Variants in DACH2 observed in about 807,000 individuals in gnomAD.
DACH2 encodes dachshund family transcription factor 2, also known as dachshund homolog 2.
Under a neutral mutation model 35.8 loss-of-function variants are expected in DACH2, and 17 were observed. The observed-to-expected ratio is 0.48, with a 90% CI of 0.33 to 0.71. DACH2 has a LOEUF of 0.71. DACH2 is among the 30% of genes least tolerant of loss of function. The probability of loss-of-function intolerance (pLI) is 0.02; values close to 1 mark genes in which losing one functional copy is unlikely to be tolerated. For synonymous variants in DACH2, 195 were observed against 177.3 expected, an observed-to-expected ratio of 1.10 and a Z score of -0.79; for missense variants, 469 against 472.7, an observed-to-expected ratio of 0.99 and a Z score of 0.07.
intron 1 of DACH2, among the ~76,000 whole-genome samples, chrX:86,289,821 T>C (rs1569332145): frequency 9.1e-6 from 1 of 109,345 alleles, no homozygotes; most frequent in South Asian, 4.1e-4. Flanking sequence ...CAGTCTATCA[T>C]TGTTGGACAT....
At chrX:86,251,349 T>C (rs1256745604) in intron 1 of DACH2, among the ~76,000 whole-genome samples, 1 of 111,126 alleles carries the variant, frequency 9.0e-6, no homozygotes, top group African/African-American at 3.3e-5. Flanking sequence ...TTTAAATTTT[T>C]ATTTCCATAG....
intron 3 of DACH2, among the ~76,000 whole-genome samples, chrX:86,613,966 T>G (rs1365976298): frequency 8.9e-6 from 1 of 111,823 alleles, no homozygotes; most frequent in Non-Finnish European, 1.9e-5. Context: ...ATGTAGAGCC[T>G]TTTTGACAAA....
chrX:86,730,339 C>T (rs1330743819), intron 6 of DACH2, among the ~76,000 whole-genome samples: 1 of 112,003 alleles, frequency 8.9e-6, no homozygotes, highest in Non-Finnish European at 1.9e-5. Context: ...CTTCAGTTTT[C>T]CTTTCTGCAA....
chrX:86,789,912 G>T (rs193180702), intron 7 of DACH2, among the ~76,000 whole-genome samples: 1 of 110,676 alleles, frequency 9.0e-6, no homozygotes, highest in Non-Finnish European at 1.9e-5. Context: ...TTTTGACAAA[G>T]GTGGAGGAAT....
chrX:86,190,068 G>A (rs1013146245), intron 1 of DACH2, among the ~76,000 whole-genome samples: 3 of 109,313 alleles, frequency 2.7e-5, no homozygotes, highest in African/African-American at 1.0e-4. Context: ...GGAGGTTGAG[G>A]CATGAAAATC....
intron 1 of DACH2, among the ~76,000 whole-genome samples, chrX:86,292,606 A>G (rs1465303739): frequency 9.1e-6 from 1 of 110,483 alleles, no homozygotes; most frequent in Non-Finnish European, 1.9e-5. Flanking sequence ...AATGCGTCCC[A>G]GAGATTCTGG....
intron 2 of DACH2, among the ~76,000 whole-genome samples, chrX:86,398,975 G>C (rs775191318): frequency 9.0e-6 from 1 of 111,476 alleles, no homozygotes; most frequent in East Asian, 2.8e-4. Flanking sequence ...GTCTAATGTT[G>C]ACAGTGGGGT....
chrX:86,325,541 A>G (rs1033238744), intron 1 of DACH2, among the ~76,000 whole-genome samples: 1 of 112,156 alleles, frequency 8.9e-6, no homozygotes, highest in Non-Finnish European at 1.9e-5. Context: ...TATTTTAATG[A>G]CATTTTCTTC....
chrX:86,467,455 G>A (rs2037690577), intron 2 of DACH2, among the ~76,000 whole-genome samples: 2 of 111,537 alleles, frequency 1.8e-5, no homozygotes, highest in Non-Finnish European at 3.8e-5. Flanking sequence ...CAAGTCTCTA[G>A]GAAGTTCCAA....
At chrX:86,159,296 A>T (rs762057415) in intron 1 of DACH2, among the ~76,000 whole-genome samples, 1 of 111,586 alleles carries the variant, frequency 9.0e-6, no homozygotes, top group South Asian at 3.7e-4. Flanking sequence ...GAGTACATTG[A>T]CCCTTAAATA....
chrX:86,429,324 T>C (rs1021473710), intron 2 of DACH2, among the ~76,000 whole-genome samples: 1 of 111,376 alleles, frequency 9.0e-6, no homozygotes, highest in African/African-American at 3.3e-5. Flanking sequence ...AGTTGCATTT[T>C]ACCCCATACT....
At chrX:86,710,956 A>G (rs182470348) in intron 5 of DACH2, among the ~76,000 whole-genome samples, 1 of 112,181 alleles carries the variant, frequency 8.9e-6, no homozygotes, top group East Asian at 2.8e-4. Context: ...TGACTTAGAA[A>G]TCAAATCAAT....
intron 2 of DACH2, among the ~76,000 whole-genome samples, chrX:86,429,830 C>T (rs2036957620): frequency 8.9e-6 from 1 of 111,836 alleles, no homozygotes; most frequent in Non-Finnish European, 1.9e-5. Context: ...CCCAAAGTGC[C>T]AGGAGTACAG....
intron 1 of DACH2, among the ~76,000 whole-genome samples, chrX:86,307,937 T>A (rs938915381): frequency 8.9e-6 from 1 of 111,766 alleles, no homozygotes; most frequent in Non-Finnish European, 1.9e-5. Context: ...TGCACTTAAT[T>A]TTGCAGCTCA....
intron 7 of DACH2, among the ~76,000 whole-genome samples, chrX:86,771,759 A>G (rs1316563943): frequency 1.8e-5 from 2 of 111,721 alleles, no homozygotes; most frequent in African/African-American, 6.5e-5. Context: ...CTAGAATACA[A>G]GTAAATGTCA....
intron 3 of DACH2, among the ~76,000 whole-genome samples, chrX:86,632,314 C>T (rs1309199916): frequency 9.0e-6 from 1 of 111,051 alleles, no homozygotes; most frequent in Non-Finnish European, 1.9e-5. Context: ...TGACTGACTG[C>T]GTTATCTTTA....
chrX:86,180,747 GTCTA>G (rs200648039), intron 1 of DACH2, among the ~76,000 whole-genome samples: 793 of 111,671 alleles, frequency 7.1e-3, no homozygotes, highest in Non-Finnish European at 0.012. Flanking sequence ...TCAAACTACA[GTCTA>G]TCTGTGTTTA....
At chrX:86,161,357 A>G in intron 1 of DACH2, 1 of 1,057,336 alleles carries the variant, frequency 9.5e-7, no homozygotes, top group African/African-American at 1.8e-5. Context: ...TCACGTTCTT[A>G]ATGGATACAG....
intron 2 of DACH2, among the ~76,000 whole-genome samples, chrX:86,450,235 C>A (rs2037349044): frequency 9.0e-6 from 1 of 110,546 alleles, no homozygotes; most frequent in Admixed American, 9.8e-5. Flanking sequence ...CCATGACCCC[C>A]AACAACAGGC....
Sources: allele counts gnomAD v4.1 joint callset (sites outside exome capture counted in the v4.1 genomes callset), GRCh38; gene constraint gnomAD v4.1.1; transcripts MANE v1.5; gene names NCBI Gene and HGNC (gene_info 2026-07-23, HGNC 2026-07-21).